The following PNKD variants were observed in gnomAD, a reference collection of about 807,000 sequenced individuals.
PNKD encodes probable thioesterase PNKD.
A neutral mutation model predicts 45.3 loss-of-function variants in PNKD; 36 were observed. The observed-to-expected ratio is 0.80, with a 90% CI of 0.61 to 1.05. The LOEUF (loss-of-function observed/expected upper bound fraction) is 1.05, where lower values mean the gene tolerates loss of function less well. Among genes scored for constraint, PNKD ranks in the 50% least tolerant of loss-of-function variants. PNKD has a pLI of 0.00. For missense variants in PNKD, 511 were observed against 506.6 expected, an observed-to-expected ratio of 1.01 and a Z score of -0.08; for synonymous variants, 197 against 210.1, an observed-to-expected ratio of 0.94 and a Z score of 0.54.
At chr2:218,275,686 A>G (rs1440127025) in intron 2 of PNKD, 5 of 1,564,030 alleles carry the variant, frequency 3.2e-6, no homozygotes, top group Non-Finnish European at 4.3e-6. Flanking sequence ...ATTTTTGGTC[A>G]GCAGATTTGT....
At chr2:218,329,028 C>T (rs1284455002) in intron 2 of PNKD, among the ~76,000 whole-genome samples, 1 of 152,190 alleles carries the variant, frequency 6.6e-6, no homozygotes, top group Admixed American at 6.5e-5. Context: ...GTCAACATGG[C>T]GAAACCCCAT....
chr2:218,272,505 C>T (rs1221656811), intron 2 of PNKD: 46 of 1,482,858 alleles, frequency 3.1e-5, no homozygotes, highest in African/African-American at 4.1e-5. Context: ...AGAATGACTC[C>T]CCCCAGCTCC....
At chr2:218,344,355 G>A (rs1033806221) in intron 8 of PNKD, 100 bp from the exon 9 acceptor site, 1 of 835,294 alleles carries the variant, frequency 1.2e-6, no homozygotes, top group Non-Finnish European at 2.0e-6. Flanking sequence ...ATCCCTAGTT[G>A]TCAGGTGCCC....
intron 2 of PNKD, among the ~76,000 whole-genome samples, chr2:218,337,823 C>G (rs1220147008): frequency 1.3e-5 from 2 of 152,132 alleles, no homozygotes; most frequent in Admixed American, 6.6e-5. Flanking sequence ...TCAGGCTCCA[C>G]TTGCAAGACA....
rs906305204 is a variant in PNKD, at chr2:218,279,654, C to T, written c.236+8105C>T. 8.2e-6 allele frequency: 4 copies of T among 485,820 alleles called. No individual in the cohort carries two copies. In the East Asian group the frequency reaches 1.1e-4, roughly 14 times the overall value. The allele number at this position is 485,820 out of a possible 1,614,324, so 30.1% of individuals were successfully genotyped here. A position where few individuals can be genotyped will look rare whatever the true frequency, so the allele number is the denominator to read the frequency against. Reference sequence around the variant, plus strand: ...TGCACTCCCAGCAGCTCAGTCTGCACGCTCTATGCAGCTGTGAGATGGAGA... The same window carrying T: ...TGCACTCCCAGCAGCTCAGTCTGCATGCTCTATGCAGCTGTGAGATGGAGA... On this transcript the variant is annotated intron_variant, in intron 2 of 9. Transcript: ENST00000273077.
chr2:218,315,251 C>T (rs757377310), intron 2 of PNKD, among the ~76,000 whole-genome samples: 9 of 151,494 alleles, frequency 5.9e-5, no homozygotes, highest in Non-Finnish European at 1.0e-4. Flanking sequence ...AAGCTATTCT[C>T]CTGCCCCAGC....
chr2:218,337,000 A>G (rs1313644409), intron 2 of PNKD, among the ~76,000 whole-genome samples: 12 of 151,582 alleles, frequency 7.9e-5, no homozygotes, highest in Non-Finnish European at 1.6e-4. Context: ...GGGTTTTACC[A>G]TGTTGGCCAG....
At chr2:218,312,203 A>C (rs891312430) in intron 2 of PNKD, among the ~76,000 whole-genome samples, 1 of 152,238 alleles carries the variant, frequency 6.6e-6, no homozygotes, top group East Asian at 1.9e-4. Flanking sequence ...ACACAGTAAC[A>C]ATCTGATCTC....
chr2:218,273,731 A>T (rs1690959816), intron 2 of PNKD, among the ~76,000 whole-genome samples: 1 of 149,704 alleles, frequency 6.7e-6, no homozygotes, highest in Admixed American at 6.7e-5. Context: ...ACCTCAGGTG[A>T]TTCCCCCCCA....
intron 2 of PNKD, among the ~76,000 whole-genome samples, chr2:218,316,277 T>C (rs1384252031): frequency 2.1e-5 from 3 of 145,116 alleles, no homozygotes; most frequent in Non-Finnish European, 4.6e-5. Context: ...TCTTTTTTTT[T>C]TTTTTTTTTT....
rs754560812 is a variant in PNKD, at chr2:218,279,310, A to G, written c.236+7761A>G. ...TTACACAAAGGTGAAGATAGCAATG[A>G]TGGCCACAGTGATGAGCAGCTGCAC... On this transcript the variant is annotated intron_variant, in intron 2 of 9. Coordinates refer to ENST00000273077, the MANE Select transcript of PNKD (RefSeq NM_015488.5). The G allele has an allele frequency of 3.1e-6, 5 of 1,588,944 alleles. No individual in the cohort carries two copies. The East Asian group carries it at 9.0e-5, about 29-fold the overall frequency.
intron 2 of PNKD, among the ~76,000 whole-genome samples, chr2:218,328,369 A>T (rs1694217238): frequency 6.6e-6 from 1 of 152,042 alleles, no homozygotes; most frequent in East Asian, 1.9e-4. Context: ...CTCACATAAA[A>T]ATAGCACCAC....
rs1300786867 is a variant in PNKD, at chr2:218,340,394, G to A, written c.465+253G>A. On this transcript the variant is annotated intron_variant, in intron 4 of 9. Transcript: ENST00000273077. This position sits in a 1 kb window ranked among gnomAD's most constrained non-coding sequence, Gnocchi z 4.2. ...GTGTTGGCCCAGGACTCTGGGTCTA[G>A]TGAGTTTCCAGGCTGGCTTTCACTC... Among the ~76,000 whole-genome samples the A allele has an allele frequency of 6.6e-6, 1 of 151,990 alleles. No individual in the cohort carries two copies. The highest frequency in any genetic ancestry group is 1.5e-5 in the Non-Finnish European group (1 of 67,958).
intron 2 of PNKD, chr2:218,286,100 A>T (rs1692486135): frequency 6.5e-6 from 1 of 154,026 alleles, no homozygotes; most frequent in Admixed American, 6.5e-5. Context: ...GGGTTCTGCC[A>T]GCAGCTACTA....
rs965629022 is a variant in PNKD at position 218,282,314 on chromosome 2, C to T, written c.236+10765C>T. The T allele has an allele frequency of 1.1e-5, 6 of 549,908 alleles. No homozygotes were observed. The Admixed American group carries it at 1.3e-4, about 12-fold the overall frequency. The allele number at this position is 549,908 out of a possible 1,614,324, so 34.1% of individuals were successfully genotyped here. On this transcript the variant is annotated intron_variant, in intron 2 of 9. Transcript: ENST00000273077. ...CACCTATTTTCTCCTTAGAGGGCAGCGTGTGATTTGCTGTCCACAGGCCAC... is the reference window on the plus strand; with the variant it reads ...CACCTATTTTCTCCTTAGAGGGCAGTGTGTGATTTGCTGTCCACAGGCCAC...
intron 2 of PNKD, among the ~76,000 whole-genome samples, chr2:218,273,484 T>A (rs1004261488): frequency 8.6e-4 from 126 of 146,750 alleles, no homozygotes; most frequent in Non-Finnish European, 1.1e-3. Context: ...TACTTATTTT[T>A]TTTTTTTTTT....
chr2:218,295,579 G>C (rs1693122340), intron 2 of PNKD, among the ~76,000 whole-genome samples: 1 of 152,034 alleles, frequency 6.6e-6, no homozygotes, highest in Admixed American at 6.6e-5. Context: ...AGAGGGCAAG[G>C]GACTTAGGGC....
At chr2:218,313,903 C>CTTTTTTTTT (rs10550174) in intron 2 of PNKD, among the ~76,000 whole-genome samples, 9 of 77,714 alleles carry the variant, frequency 1.2e-4, no homozygotes, top group East Asian at 4.1e-4. Context: ...TTCTTTATTT[C>CTTTTTTTTT]TTTTTTTTTT....
At chr2:218,275,661 C>T (rs747704732) in intron 2 of PNKD, 1 of 1,592,576 alleles carries the variant, frequency 6.3e-7, no homozygotes, top group Non-Finnish European at 8.5e-7. Flanking sequence ...ACTCAGGCAT[C>T]AGTGTCCAGA....
Sources: allele counts gnomAD v4.1 joint callset (sites outside exome capture counted in the v4.1 genomes callset), GRCh38; gene constraint gnomAD v4.1.1; non-coding constraint Gnocchi (gnomAD v3.1); transcripts MANE v1.5; gene names NCBI Gene and HGNC (gene_info 2026-07-23, HGNC 2026-07-21).